Variants in TRIM49 observed in about 807,000 individuals in gnomAD.
TRIM49 encodes tripartite motif-containing protein 49.
TRIM49 carries 5 observed loss-of-function variants against 27.4 expected under a neutral mutation model. The ratio of observed to expected loss-of-function variants is 0.18; its 90% confidence interval spans 0.10 to 0.38. The LOEUF is 0.38. Ranked by LOEUF, TRIM49 falls within the 10% of genes least tolerant of loss-of-function variation. TRIM49 has a pLI of 1.00. For missense variants in TRIM49, 188 were observed against 487.5 expected (o/e 0.39, Z 5.79); for synonymous variants, 69 against 166.0 (o/e 0.42, Z 4.49).
chr11:89,780,070 AAGAC>A, the TRIM49 span, among the ~76,000 whole-genome samples: 10 of 113,396 alleles, frequency 8.8e-5, 1 homozygote, highest in Admixed American at 2.7e-4. Flanking sequence ...AAAAAAAAAA[AAGAC>A]AGAGGGAGGA....
At chr11:89,777,140 C>T in the TRIM49 span, 20 of 1,550,518 alleles carry the variant, frequency 1.3e-5, no homozygotes, top group African/African-American at 9.6e-5. Flanking sequence ...CGCTGCCCTT[C>T]GTGCAGAAAA....
At chr11:89,787,153 C>G in the TRIM49 span, 4 of 202,730 alleles carry the variant, frequency 2.0e-5, no homozygotes, top group African/African-American at 1.1e-4. Flanking sequence ...AGCCCGAGGG[C>G]TCCAAAAACT....
chr11:89,795,791 G>T (rs1228362574), downstream of TRIM49, among the ~76,000 whole-genome samples: 1 of 150,330 alleles, frequency 6.7e-6, no homozygotes, highest in Non-Finnish European at 1.5e-5. Flanking sequence ...ATGTAAATGA[G>T]GAGTTAATGG....
At chr11:89,793,745 G>A (rs550713342), downstream of TRIM49, among the ~76,000 whole-genome samples, 9 of 152,006 alleles carry the variant, frequency 5.9e-5, no homozygotes, top group Admixed American at 5.9e-4. Context: ...AAAATAATAA[G>A]AGCTATTTAT....
chr11:89,792,752 G>C (rs572366705), downstream of TRIM49, among the ~76,000 whole-genome samples: 1 of 152,228 alleles, frequency 6.6e-6, no homozygotes, highest in South Asian at 2.1e-4. Context: ...GCAGTGTGTG[G>C]AGGGAAATTT....
downstream of TRIM49, among the ~76,000 whole-genome samples, chr11:89,793,745 G>C (rs550713342): frequency 6.6e-6 from 1 of 151,892 alleles, no homozygotes; most frequent in Non-Finnish European, 1.5e-5. Context: ...AAAATAATAA[G>C]AGCTATTTAT....
chr11:89,792,914 T>C (rs530172932), downstream of TRIM49, among the ~76,000 whole-genome samples: 11 of 152,182 alleles, frequency 7.2e-5, no homozygotes, highest in South Asian at 2.3e-3. Context: ...CTGAAGGAGA[T>C]AGAGACACAA....
intron 2 of TRIM49, among the ~76,000 whole-genome samples, chr11:89,805,774 G>A (rs1179153396): frequency 1.3e-5 from 2 of 148,648 alleles, no homozygotes; most frequent in African/African-American, 5.1e-5. Flanking sequence ...CTGAAATGCA[G>A]TGGCGTGATC....
At chr11:89,801,294 T>C (rs1388434859) in intron 5 of TRIM49, among the ~76,000 whole-genome samples, 2 of 145,272 alleles carry the variant, frequency 1.4e-5, no homozygotes, top group Admixed American at 1.4e-4. Context: ...CTGAACCTGT[T>C]ACCCAAATGA....
At chr11:89,796,552 T>G (rs2134630146), downstream of TRIM49, among the ~76,000 whole-genome samples, 1 of 145,428 alleles carries the variant, frequency 6.9e-6, no homozygotes, top group East Asian at 2.1e-4. Flanking sequence ...TTTATTCTAC[T>G]ACCTTATGCA....
intron 6 of TRIM49, among the ~76,000 whole-genome samples, 196 bp downstream of exon 6, chr11:89,800,770 T>G (rs935923126): frequency 4.0e-5 from 6 of 150,500 alleles, no homozygotes; most frequent in African/African-American, 1.5e-4. Flanking sequence ...AGGAATCAAA[T>G]TGTTTGTTTT....
chr11:89,786,518 A>G, the TRIM49 span: 1 of 145,556 alleles, frequency 6.9e-6, no homozygotes, highest in South Asian at 2.0e-4. Flanking sequence ...ATCTGGTGGA[A>G]ACAGGCTGCC....
the TRIM49 span, chr11:89,777,176 C>T: frequency 9.0e-6 from 14 of 1,548,928 alleles, no homozygotes; most frequent in African/African-American, 1.9e-4. Flanking sequence ...AACTTCAACA[C>T]CAATGTGGTA....
At chr11:89,795,895 A>T (rs1345801548), downstream of TRIM49, among the ~76,000 whole-genome samples, 1 of 151,916 alleles carries the variant, frequency 6.6e-6, no homozygotes, top group African/African-American at 2.4e-5. Flanking sequence ...TGAAAAAAAA[A>T]ATCAAACTTT....
intron 4 of TRIM49, among the ~76,000 whole-genome samples, chr11:89,802,460 C>T (rs1279188799): frequency 6.6e-6 from 1 of 150,718 alleles, no homozygotes; most frequent in Non-Finnish European, 1.5e-5. Context: ...CTAAGTCATC[C>T]CAGTCTGAAA....
At chr11:89,785,601 G>A in the TRIM49 span, among the ~76,000 whole-genome samples, 2 of 144,746 alleles carry the variant, frequency 1.4e-5, no homozygotes, top group Admixed American at 6.7e-5. Context: ...ACTTTATTAT[G>A]TGAAAAGACT....
chr11:89,766,724 A>G, the TRIM49 span: 124 of 1,534,508 alleles, frequency 8.1e-5, 13 homozygotes, highest in Non-Finnish European at 6.2e-5. Flanking sequence ...GAAACACACC[A>G]ACTCGGCCCA....
At chr11:89,793,313 A>G (rs368571247), downstream of TRIM49, among the ~76,000 whole-genome samples, 2,004 of 150,556 alleles carry the variant, frequency 0.013, 22 homozygotes, top group East Asian at 0.047. Flanking sequence ...TACAAGGAGG[A>G]GCTGGTACCA....
intron 3 of TRIM49, 68 bp from the exon 4 acceptor site, chr11:89,803,861 G>A (rs1216295302): frequency 3.2e-5 from 25 of 787,894 alleles, no homozygotes; most frequent in Non-Finnish European, 4.8e-5. Context: ...CAGAATGAGA[G>A]ACAAATAAGC....
Sources: gnomAD v4.1 joint callset for allele counts (sites outside exome capture counted in the v4.1 genomes callset) on GRCh38, gnomAD v4.1.1 for gene constraint, MANE v1.5 for transcripts, NCBI Gene and HGNC (gene_info 2026-07-23, HGNC 2026-07-21) for gene names.